Variants in SLC7A1 observed in about 807,000 individuals in gnomAD.
SLC7A1 encodes the protein high affinity cationic amino acid transporter 1.
Under a neutral mutation model 53.9 loss-of-function variants are expected in SLC7A1, and 10 were observed. The observed-to-expected ratio is 0.19, with a 90% CI of 0.11 to 0.31. The LOEUF (loss-of-function observed/expected upper bound fraction) is 0.31, where lower values mean the gene tolerates loss of function less well. SLC7A1 is among the 10% of genes least tolerant of loss of function. SLC7A1 has a pLI of 1.00. For synonymous variants in SLC7A1, 342 were observed against 338.7 expected (o/e 1.01, Z -0.11); for missense variants, 525 against 827.2 (o/e 0.63, Z 4.48).
intron 1 of SLC7A1, among the ~76,000 whole-genome samples, chr13:29,592,081 C>T (rs1872133524): frequency 6.6e-6 from 1 of 152,172 alleles, no homozygotes; most frequent in African/African-American, 2.4e-5. Context: ...CCAGAGAAGC[C>T]AGGAGCGGTG....
Position 29,509,836 on chromosome 13 carries a change from A to G in SLC7A1, c.*4644T>C, listed in dbSNP as rs1883341464. On this transcript the variant is annotated 3_prime_UTR_variant, in exon 13 of 13. Transcript: ENST00000380752. Reference sequence around the variant, plus strand: ...GAGAAACCACAGCTATTCAGGTTTGATAATAAACCAACCCTCATTGGTATC... The same window carrying G: ...GAGAAACCACAGCTATTCAGGTTTGGTAATAAACCAACCCTCATTGGTATC... The G allele has an allele frequency of 2.0e-5, 3 of 152,628 alleles. No individual in the cohort carries two copies. The highest frequency in any genetic ancestry group is 4.8e-5 in the African/African-American group (2 of 41,456). 9.5% of individuals were successfully genotyped at this position (152,628 alleles called of 1,614,324 possible).
rs1327991489 is a variant in SLC7A1, at chr13:29,516,207, C to T, written c.1717G>A (p.Val573Met). 8 of 1,613,500 alleles carry T rather than the reference C, an allele frequency of 5.0e-6. No individual in the cohort carries two copies. The highest frequency in any genetic ancestry group is 1.6e-4 in the Middle Eastern group (1 of 6,082). Reference protein sequence around the residue: ...LPVLPILSIFVNVYLMMQLDQ... With the variant: ...LPVLPILSIFMNVYLMMQLDQ... ...AGCTGCATCATGAGATAGACGTTCA[C>T]GAAGATGCTCAGGATGGGGAGCACT... is the stretch of plus-strand genomic sequence containing the variant. The change falls in exon 12 of 13, where the codon GTG becomes ATG. Residue 573 changes from valine to methionine, a missense_variant. Val to Met is a conservative substitution (Grantham distance 21). Transcript: ENST00000380752.
chr13:29,557,453 C>T (rs1870487276), intron 1 of SLC7A1, among the ~76,000 whole-genome samples: 1 of 152,104 alleles, frequency 6.6e-6, no homozygotes, highest in East Asian at 1.9e-4. Flanking sequence ...ATGGGATAGC[C>T]TTGGCTCCTA....
intron 2 of SLC7A1, among the ~76,000 whole-genome samples, chr13:29,544,068 C>A (rs911808871): frequency 5.9e-5 from 9 of 152,150 alleles, no homozygotes; most frequent in Non-Finnish European, 1.3e-4. Flanking sequence ...GGATCCCACC[C>A]ACTCACACCA....
At chr13:29,570,289 G>A (rs1222387360) in intron 1 of SLC7A1, among the ~76,000 whole-genome samples, 2 of 152,238 alleles carry the variant, frequency 1.3e-5, no homozygotes, top group South Asian at 2.1e-4. Flanking sequence ...ATCAAGCAAC[G>A]TTATTGACTT....
intron 1 of SLC7A1, among the ~76,000 whole-genome samples, chr13:29,578,684 G>C (rs1871514146): frequency 6.6e-6 from 1 of 152,204 alleles, no homozygotes; most frequent in Non-Finnish European, 1.5e-5. Flanking sequence ...GGCACCCCGG[G>C]TAGCTCTTGC....
At chr13:29,557,294 AT>A (rs1870479934) in intron 1 of SLC7A1, among the ~76,000 whole-genome samples, 1 of 152,202 alleles carries the variant, frequency 6.6e-6, no homozygotes, top group Non-Finnish European at 1.5e-5. Context: ...CTATATTATA[AT>A]ACAGTCATGT....
intron 2 of SLC7A1, among the ~76,000 whole-genome samples, chr13:29,537,704 T>C (rs9579396): frequency 0.07 from 10,618 of 152,280 alleles, 456 homozygotes; most frequent in Middle Eastern, 0.14. Context: ...AAACAGAGTT[T>C]ATTTTAAAAA....
intron 2 of SLC7A1, among the ~76,000 whole-genome samples, chr13:29,539,755 C>T (rs1266780921): frequency 6.6e-6 from 1 of 152,124 alleles, no homozygotes; most frequent in African/African-American, 2.4e-5. Context: ...ATTACTTTTA[C>T]CTTGGTTACT....
Position 29,532,963 on chromosome 13 carries a change from C to T in SLC7A1, c.390G>A (p.Arg130=), listed in dbSNP as rs748970417. 1 of 1,613,260 alleles carries T rather than the reference C, an allele frequency of 6.2e-7. No individual in the cohort carries two copies. Among genetic ancestry groups the T allele is most frequent in the South Asian group, 1.1e-5 (1 of 90,896 alleles). Residue 130 remains arginine, a synonymous_variant, in exon 4 of 13, where the codon AGG becomes AGA. Transcript: ENST00000380752. ...SYIIGTSSVA[R]AWSATFDELI... ...GCTCGTCGAAGGTGGCGCTCCAGGC[C>T]CTCGCTACGCTTGAAGTACCTGCCA...
At position 29,519,478 on chromosome 13, in the gene SLC7A1, A is replaced by T; in HGVS notation, c.1261T>A (p.Ser421Thr). 1 of 1,613,630 alleles carries T rather than the reference A, an allele frequency of 6.2e-7. No homozygotes were observed. The highest frequency in any genetic ancestry group is 8.5e-7 in the Non-Finnish European group (1 of 1,179,600). ...ACCAACACACAGGCAGCCACCAACGAGTAAGCCAGGAGAGTGCCAATGGAC... is the reference window on the plus strand; with the variant it reads ...ACCAACACACAGGCAGCCACCAACGTGTAAGCCAGGAGAGTGCCAATGGAC... ...LMSIGTLLAY[S>T]LVAACVLVLR... Residue 421 changes from serine (S) to threonine (T), a missense_variant, in exon 9 of 13, where the codon TCG (serine) becomes ACG (threonine). Ser to Thr is a moderately conservative substitution (Grantham distance 58). Around this residue, in one of 4 missense-constraint regions of SLC7A1, gnomAD observed 354 missense variants for 587.5 expected, o/e 0.60. Coordinates refer to ENST00000380752, the MANE Select transcript of SLC7A1 (RefSeq NM_003045.5).
chr13:29,557,389 T>C (rs1203562945), intron 1 of SLC7A1, among the ~76,000 whole-genome samples: 2 of 152,038 alleles, frequency 1.3e-5, no homozygotes, highest in East Asian at 1.9e-4. Flanking sequence ...GGAGTGTACT[T>C]AGAGTGTACT....
At chr13:29,574,987 G>A (rs903893282) in intron 1 of SLC7A1, among the ~76,000 whole-genome samples, 5 of 152,156 alleles carry the variant, frequency 3.3e-5, no homozygotes, top group Admixed American at 6.5e-5. Context: ...TCTGTCAGCA[G>A]AGGATTATTT....
intron 1 of SLC7A1, among the ~76,000 whole-genome samples, chr13:29,562,713 T>C (rs1383015530): frequency 6.6e-6 from 1 of 152,234 alleles, no homozygotes; most frequent in Non-Finnish European, 1.5e-5. Context: ...TTGGAACCTA[T>C]ACCAGTTCCT....
intron 1 of SLC7A1, among the ~76,000 whole-genome samples, chr13:29,572,193 C>T (rs908863502): frequency 6.6e-6 from 1 of 152,236 alleles, no homozygotes; most frequent in Non-Finnish European, 1.5e-5. Flanking sequence ...AAGTGCGACA[C>T]GCTGTCTAGG....
At chr13:29,521,661 C>T (rs1182685505) in intron 8 of SLC7A1, among the ~76,000 whole-genome samples, 2 of 152,186 alleles carry the variant, frequency 1.3e-5, no homozygotes, top group Admixed American at 6.5e-5. Context: ...AGTGTGCACA[C>T]GAGCTTCCTT....
At chr13:29,520,215 C>CGGTCAGAGT (rs1359591918) in intron 8 of SLC7A1, among the ~76,000 whole-genome samples, 5 of 152,248 alleles carry the variant, frequency 3.3e-5, no homozygotes, top group African/African-American at 1.2e-4. Context: ...CATCCAGCTC[C>CGGTCAGAGT]GGTCAGAGTG....
chr13:29,570,471 C>T (rs1309329309), intron 1 of SLC7A1, among the ~76,000 whole-genome samples: 1 of 152,190 alleles, frequency 6.6e-6, no homozygotes, highest in African/African-American at 2.4e-5. Context: ...ACACCCGCCC[C>T]CCTACCTCCA....
chr13:29,550,749 T>A (rs1301670965), intron 2 of SLC7A1, among the ~76,000 whole-genome samples: 1 of 151,276 alleles, frequency 6.6e-6, no homozygotes, highest in South Asian at 2.1e-4. Flanking sequence ...ACCCCAAGCA[T>A]AGGCGCCAGC....
Sources: gnomAD v4.1 joint callset for allele counts (sites outside exome capture counted in the v4.1 genomes callset) on GRCh38, gnomAD v4.1.1 for gene constraint, gnomAD v4.1.1 regional missense constraint, MANE v1.5 for transcripts, NCBI Gene and HGNC (gene_info 2026-07-23, HGNC 2026-07-21) for gene names.